Variants in TGFB2 observed in about 807,000 individuals in gnomAD.
TGFB2 encodes transforming growth factor beta 2.
TGFB2 carries 13 observed loss-of-function variants against 42.7 expected under a neutral mutation model. The observed-to-expected ratio is 0.30, with a 90% CI of 0.20 to 0.48. The LOEUF is 0.48. Ranked by LOEUF, TGFB2 falls within the 20% of genes least tolerant of loss-of-function variation. The probability of loss-of-function intolerance (pLI) is 0.99; values close to 1 mark genes in which losing one functional copy is unlikely to be tolerated. For missense variants in TGFB2, 390 were observed against 517.5 expected (o/e 0.75, Z 2.39); for synonymous variants, 193 against 193.6 (o/e 1.00, Z 0.03).
chr1:218,389,982 T>G (rs1434149439), intron 1 of TGFB2, among the ~76,000 whole-genome samples: 1 of 152,172 alleles, frequency 6.6e-6, no homozygotes, highest in African/African-American at 2.4e-5. Context: ...AAAATTCCCA[T>G]CTCTATATCT....
At chr1:218,377,688 G>T (rs528648614) in intron 1 of TGFB2, among the ~76,000 whole-genome samples, 2 of 149,004 alleles carry the variant, frequency 1.3e-5, no homozygotes, top group Non-Finnish European at 3.0e-5. Context: ...CCCCACCCCC[G>T]ACCCCTGGGA....
chr1:218,395,756 C>T lies in TGFB2; in HGVS notation c.347-9413C>T, dbSNP rs185061367. ...CCTCCAGAGTAGCTGGGACTACAGGCGTCTGCCACCACACCTGGCTAATTT... is the reference window on the plus strand; with the variant it reads ...CCTCCAGAGTAGCTGGGACTACAGGTGTCTGCCACCACACCTGGCTAATTT... On this transcript the variant is annotated intron_variant, in intron 1 of 6. Transcript: ENST00000366930. Among the ~76,000 whole-genome samples, 7 of 152,062 alleles carry T rather than the reference C, an allele frequency of 4.6e-5. No homozygotes were observed. In the East Asian group the frequency reaches 1.2e-3, roughly 25 times the overall value.
intron 1 of TGFB2, among the ~76,000 whole-genome samples, chr1:218,360,364 G>A (rs570564663): frequency 7.2e-4 from 109 of 152,282 alleles, no homozygotes; most frequent in Admixed American, 6.3e-3. Flanking sequence ...TTACCCATGC[G>A]AAGTTTTAAT....
At chr1:218,417,134 A>G (rs1299199521) in intron 2 of TGFB2, among the ~76,000 whole-genome samples, 1 of 152,352 alleles carries the variant, frequency 6.6e-6, no homozygotes, top group East Asian at 1.9e-4. Flanking sequence ...CAGAGGTTAA[A>G]ACAGTTTGGA....
chr1:218,433,194 G>C (rs923877441), intron 2 of TGFB2, among the ~76,000 whole-genome samples: 1 of 151,964 alleles, frequency 6.6e-6, no homozygotes, highest in South Asian at 2.1e-4. Flanking sequence ...TCAGCCTCCC[G>C]AGTAGCTGGG....
At chr1:218,414,467 A>G (rs1659207519) in intron 2 of TGFB2, among the ~76,000 whole-genome samples, 1 of 152,192 alleles carries the variant, frequency 6.6e-6, no homozygotes, top group Non-Finnish European at 1.5e-5. Flanking sequence ...CACATTGGAG[A>G]CATACATAGC....
At chr1:218,397,905 T>C (rs1658577721) in intron 1 of TGFB2, among the ~76,000 whole-genome samples, 1 of 152,198 alleles carries the variant, frequency 6.6e-6, no homozygotes, top group Non-Finnish European at 1.5e-5. Context: ...CCAATTCCGT[T>C]CATACCCACA....
intron 2 of TGFB2, among the ~76,000 whole-genome samples, chr1:218,422,291 C>T (rs373376958): frequency 9.9e-5 from 15 of 151,636 alleles, no homozygotes; most frequent in African/African-American, 7.3e-5. Context: ...AATCTTGGCT[C>T]GCTGCAGCCT....
intron 1 of TGFB2, among the ~76,000 whole-genome samples, chr1:218,366,499 T>G (rs1490757143): frequency 6.6e-6 from 1 of 152,126 alleles, no homozygotes; most frequent in African/African-American, 2.4e-5. Flanking sequence ...TTTTTAGAGA[T>G]GGGGTCTTGC....
At chr1:218,357,464 T>C (rs927752314) in intron 1 of TGFB2, among the ~76,000 whole-genome samples, 3 of 152,194 alleles carry the variant, frequency 2.0e-5, no homozygotes, top group African/African-American at 7.2e-5. Context: ...CCAAGAGGAA[T>C]TGAATTCACT....
intron 2 of TGFB2, among the ~76,000 whole-genome samples, chr1:218,412,365 C>T (rs1659129219): frequency 6.6e-6 from 1 of 152,150 alleles, no homozygotes; most frequent in Non-Finnish European, 1.5e-5. Flanking sequence ...AGGAACTGAG[C>T]CATATGCCTG....
At position 218,435,959 on chromosome 1, in the gene TGFB2, A is replaced by G. The variant is rs370630769; in HGVS notation, c.755-11A>G. The G allele has an allele frequency of 1.3e-6, 2 of 1,590,158 alleles. No homozygotes were observed. The highest frequency in any genetic ancestry group is 2.7e-5 in the African/African-American group (2 of 73,446). On this transcript the variant is annotated splice_polypyrimidine_tract_variant and intron_variant, in intron 4 of 6. Coordinates refer to ENST00000366930, the MANE Select transcript of TGFB2 (RefSeq NM_003238.6). The stretch of plus-strand genomic sequence containing the variant: ...AGCTAAATGTTTATTACCCAAATGC[A>G]TTTTTTCAAGGTATTGATGGCACCT...
At chr1:218,439,274 T>C (rs186813898) in intron 6 of TGFB2, among the ~76,000 whole-genome samples, 4 of 152,234 alleles carry the variant, frequency 2.6e-5, no homozygotes, top group African/African-American at 9.6e-5. Flanking sequence ...TCCTAAAATA[T>C]GGTTACACGT....
At chr1:218,360,418 C>T (rs1657171004) in intron 1 of TGFB2, among the ~76,000 whole-genome samples, 1 of 152,134 alleles carries the variant, frequency 6.6e-6, no homozygotes, top group Non-Finnish European at 1.5e-5. Flanking sequence ...CCCATAGTCC[C>T]CCATCATAAA....
intron 6 of TGFB2, among the ~76,000 whole-genome samples, chr1:218,439,455 G>C (rs1367672653): frequency 6.6e-6 from 1 of 152,136 alleles, no homozygotes; most frequent in Non-Finnish European, 1.5e-5. Context: ...TAGACAATCT[G>C]TATTATAAAA....
Position 218,444,428 on chromosome 1 carries a change from G to T in TGFB2, c.*3066G>T, listed in dbSNP as rs565027084. The stretch of plus-strand genomic sequence containing the variant: ...GCCAGCCAGATATAACAAGAGCCAC[G>T]TGCTTTCTGGGGTTGGTTGTTTGGG... On this transcript the variant is annotated 3_prime_UTR_variant, in exon 7 of 7. Coordinates refer to ENST00000366930, the MANE Select transcript of TGFB2 (RefSeq NM_003238.6). 2.0e-5 allele frequency: 3 copies of T among 152,090 alleles called. No homozygotes were observed. Among genetic ancestry groups the T allele is most frequent in the Non-Finnish European group, 4.4e-5 (3 of 68,038 alleles). 9.4% of individuals were successfully genotyped at this position (152,090 alleles called of 1,614,324 possible).
intron 1 of TGFB2, among the ~76,000 whole-genome samples, chr1:218,393,244 G>T (rs1658376714): frequency 6.6e-6 from 1 of 152,130 alleles, no homozygotes; most frequent in South Asian, 2.1e-4. Context: ...TTCTTTGCAG[G>T]GATGAGCAAG....
chr1:218,443,618 T>C lies in TGFB2; in HGVS notation c.*2256T>C, dbSNP rs1458100427. ...TTTCTGCAGACATTTTCCTCTCAGA[T>C]AGGATGACATTTTGTTTTGTATTAT... is the stretch of plus-strand genomic sequence containing the variant. On this transcript the variant is annotated 3_prime_UTR_variant, in exon 7 of 7. Coordinates refer to ENST00000366930, the MANE Select transcript of TGFB2 (RefSeq NM_003238.6). 1.3e-5 allele frequency: 2 copies of C among 152,200 alleles called. No homozygotes were observed. Among genetic ancestry groups the C allele is most frequent in the African/African-American group, 4.8e-5 (2 of 41,468 alleles). The allele number at this position is 152,200 out of a possible 1,614,324, so 9.4% of individuals were successfully genotyped here.
intron 1 of TGFB2, among the ~76,000 whole-genome samples, chr1:218,367,934 C>T (rs972589635): frequency 1.3e-5 from 2 of 152,124 alleles, no homozygotes; most frequent in African/African-American, 4.8e-5. Context: ...TCCTGAGTAG[C>T]TGGGACTACA....
Sources: gnomAD v4.1 joint callset for allele counts (sites outside exome capture counted in the v4.1 genomes callset) on GRCh38, gnomAD v4.1.1 for gene constraint, MANE v1.5 for transcripts, NCBI Gene and HGNC (gene_info 2026-07-23, HGNC 2026-07-21) for gene names.